The following PRRC2C variants were observed in gnomAD, a reference collection of about 807,000 sequenced individuals.
The protein encoded by PRRC2C is proline rich coiled-coil 2C.
PRRC2C carries 72 observed loss-of-function variants against 317.2 expected under a neutral mutation model. The observed-to-expected ratio is 0.23, with a 90% CI of 0.19 to 0.28. The LOEUF (loss-of-function observed/expected upper bound fraction) is 0.28. PRRC2C is among the 10% of genes least tolerant of loss of function. The probability of loss-of-function intolerance (pLI) is 1.00; values close to 1 mark genes in which losing one functional copy is unlikely to be tolerated. For synonymous variants in PRRC2C, 1,296 were observed against 1,205.9 expected (o/e 1.07, Z -1.55); for missense variants, 3,074 against 3,459.7 (o/e 0.89, Z 2.80).
Position 171,524,974 on chromosome 1 carries a change from G to A in PRRC2C, c.1200+9G>A. ...GACCTTCATTTAATCAGGTTTGTTG[G>A]ACTCATGGAGATCCTTGTTATTGCA... On this transcript the variant is annotated intron_variant, in intron 10 of 34. Coordinates refer to ENST00000647382, the MANE Select transcript of PRRC2C (RefSeq NM_001387844.1). 6.3e-7 allele frequency: 1 copy of A among 1,577,980 alleles called. No individual in the cohort carries two copies. Among genetic ancestry groups the A allele is most frequent in the Non-Finnish European group, 8.6e-7 (1 of 1,159,742 alleles).
chr1:171,550,368 C>A, intron 18 of PRRC2C, 128 bp downstream of exon 18: 1 of 754,456 alleles, frequency 1.3e-6, no homozygotes, highest in Non-Finnish European at 1.9e-6. Flanking sequence ...GTGACATCAT[C>A]TTCCCAACTT....
At position 171,523,480 on chromosome 1, in the gene PRRC2C, A is replaced by G; in HGVS notation, c.1013A>G (p.Asp338Gly). 6.2e-7 allele frequency: 1 copy of G among 1,612,394 alleles called. No individual in the cohort carries two copies. Among genetic ancestry groups the G allele is most frequent in the Non-Finnish European group, 8.5e-7 (1 of 1,179,616 alleles). ...TATACAGAGCAACTGAATTTCAGTG[A>G]TGATGATGAACAAGGAAGTAACAGT... The part of the protein sequence containing the change: ...VDYTEQLNFS[D>G]DDEQGSNSPK... The change falls in exon 9 of 35, where the codon GAT (aspartate) becomes GGT (glycine). Residue 338 changes from aspartate to glycine, a missense_variant. Coordinates refer to ENST00000647382, the MANE Select transcript of PRRC2C (RefSeq NM_001387844.1).
intron 1 of PRRC2C, among the ~76,000 whole-genome samples, chr1:171,506,645 G>A (rs1670287390): frequency 1.4e-5 from 2 of 141,774 alleles, no homozygotes. Context: ...TTTCCCATTG[G>A]ATAGCTTCTA....
intron 24 of PRRC2C, among the ~76,000 whole-genome samples, chr1:171,574,493 A>G (rs1572091069): frequency 6.6e-6 from 1 of 152,354 alleles, no homozygotes. Flanking sequence ...ATGTGAAACA[A>G]AAGCATTTCT....
intron 17 of PRRC2C, among the ~76,000 whole-genome samples, chr1:171,547,304 C>CT (rs1167301557): frequency 1.3e-5 from 2 of 152,026 alleles, no homozygotes; most frequent in Non-Finnish European, 2.9e-5. Flanking sequence ...ACATTGGAAA[C>CT]TAAAAAGTAG....
At chr1:171,493,000 C>T (rs1009784027) in intron 1 of PRRC2C, among the ~76,000 whole-genome samples, 5 of 151,858 alleles carry the variant, frequency 3.3e-5, no homozygotes, top group Non-Finnish European at 5.9e-5. Context: ...CCACCTGCCT[C>T]GCCCTCCCAA....
At chr1:171,566,486 C>A in intron 21 of PRRC2C, 65 bp downstream of exon 21, 1 of 1,486,314 alleles carries the variant, frequency 6.7e-7, no homozygotes, top group South Asian at 1.4e-5. Context: ...GCAAATAATA[C>A]TTTTAAAAGT....
chr1:171,588,227 T>C (rs1465391749), intron 32 of PRRC2C, among the ~76,000 whole-genome samples, 152 bp from the exon 33 acceptor site: 1 of 152,178 alleles, frequency 6.6e-6, no homozygotes, highest in Non-Finnish European at 1.5e-5. Context: ...TCCTCCAATG[T>C]CTCTCTTCTA....
intron 32 of PRRC2C, 87 bp from the exon 33 acceptor site, chr1:171,588,292 G>A (rs1181027002): frequency 2.1e-6 from 3 of 1,446,232 alleles, no homozygotes; most frequent in Non-Finnish European, 2.9e-6. Context: ...CAAGTATGAT[G>A]AAAATACCAA....
rs1052284814 is a variant in PRRC2C, at chr1:171,557,361, C to A, written c.5249C>A (p.Pro1750His). 1.3e-6 allele frequency: 2 copies of A among 1,551,840 alleles called. No individual in the cohort carries two copies. The highest frequency in any genetic ancestry group is 2.7e-5 in the African/African-American group (2 of 73,158). ...QQAQSSASVP[P>H]LASAPLPPST... ...GCACAGTCTTCAGCCTCAGTTCCAC[C>A]TCTAGCTTCGGCTCCACTTCCACCT... Residue 1750 changes from proline (P) to histidine (H), a missense_variant, in exon 19 of 35, where the codon CCT becomes CAT. Pro to His is a moderately conservative substitution (Grantham distance 77). Coordinates refer to ENST00000647382, the MANE Select transcript of PRRC2C (RefSeq NM_001387844.1).
At chr1:171,567,870 C>G (rs931185762) in intron 22 of PRRC2C, among the ~76,000 whole-genome samples, 1 of 152,114 alleles carries the variant, frequency 6.6e-6, no homozygotes, top group African/African-American at 2.4e-5. Flanking sequence ...AACAACTTTA[C>G]AACTATTAGG....
intron 28 of PRRC2C, 33 bp from the exon 29 acceptor site, chr1:171,583,923 T>A: frequency 1.9e-6 from 3 of 1,553,942 alleles, no homozygotes; most frequent in Non-Finnish European, 2.7e-6. Flanking sequence ...GAAATTAACT[T>A]CTAACAATAT....
chr1:171,592,168 A>G lies in PRRC2C; in HGVS notation c.*321A>G, dbSNP rs13722. 180,163 of 224,976 alleles carry G rather than the reference A, an allele frequency of 0.8. 72,567 individuals carry two copies. Among genetic ancestry groups the G allele is most frequent in the East Asian group, 0.89 (9,287 of 10,450 alleles). The allele number at this position is 224,976 out of a possible 1,614,324, so 13.9% of individuals were successfully genotyped here. On this transcript the variant is annotated 3_prime_UTR_variant, in exon 35 of 35. Coordinates refer to ENST00000647382, the MANE Select transcript of PRRC2C (RefSeq NM_001387844.1). ...TAGACCTAAAAATCCTTATGATTAG[A>G]TGAAACACCAAAAATATAAGGAAAA... is the stretch of plus-strand genomic sequence containing the variant.
In PRRC2C at chr1:171,593,270, A is replaced by G. The variant is rs1651759917; in HGVS notation, c.*1423A>G. 6.8e-6 allele frequency: 1 copy of G among 147,748 alleles called. No individual in the cohort carries two copies. Among genetic ancestry groups the G allele is most frequent in the African/African-American group, 2.5e-5 (1 of 40,734 alleles). 9.2% of individuals were successfully genotyped at this position (147,748 alleles called of 1,614,324 possible). A position where few individuals can be genotyped will look rare whatever the true frequency, so the allele number is the denominator to read the frequency against. On this transcript the variant is annotated 3_prime_UTR_variant, in exon 35 of 35. Transcript: ENST00000647382. ...TTTTTATATAAATATATATATATAT[A>G]TACATATATATATATAATTTGAATT...
At chr1:171,520,066 G>A (rs989887620) in intron 6 of PRRC2C, among the ~76,000 whole-genome samples, 2 of 152,120 alleles carry the variant, frequency 1.3e-5, no homozygotes, top group African/African-American at 4.8e-5. Context: ...AGGTTCAAGC[G>A]ATTCTCCCGC....
At chr1:171,518,035 G>T (rs777784736) in intron 6 of PRRC2C, among the ~76,000 whole-genome samples, 2 of 152,174 alleles carry the variant, frequency 1.3e-5, no homozygotes, top group African/African-American at 2.4e-5. Context: ...ACGTTACCAC[G>T]CAGTGTTTCT....
chr1:171,528,238 C>T (rs1263101953), intron 11 of PRRC2C, among the ~76,000 whole-genome samples: 1 of 151,956 alleles, frequency 6.6e-6, no homozygotes, highest in Non-Finnish European at 1.5e-5. Context: ...ATCCCACTTT[C>T]CATCCCATTG....
At chr1:171,584,566 T>C in intron 30 of PRRC2C, 40 bp downstream of exon 30, 1 of 1,503,806 alleles carries the variant, frequency 6.6e-7, no homozygotes, top group South Asian at 1.3e-5. Flanking sequence ...TTTTCTTTAT[T>C]ATTATTTTTA....
At position 171,536,276 on chromosome 1, in the gene PRRC2C, C is replaced by T. The variant is rs764362530; in HGVS notation, c.2291C>T (p.Pro764Leu). ...RPAMDIPPIHPGMIPPKPLMR... is the reference protein window; with the variant it reads ...RPAMDIPPIHLGMIPPKPLMR... ...GCTATGGATATTCCACCCATTCATC[C>T]TGGTCAGTTGAATTTGCATTTATAG... The change falls in exon 14 of 35, where the codon CCT (proline) becomes CTT (leucine). Residue 764 changes from proline (P) to leucine (L), a missense_variant and splice_region_variant. Physicochemically the swap from Pro to Leu is moderately conservative, Grantham distance 98 (BLOSUM62 -3). Around this residue, in one of 11 missense-constraint regions of PRRC2C, gnomAD observed 1,320 missense variants for 1,395.7 expected, o/e 0.95. Coordinates refer to ENST00000647382, the MANE Select transcript of PRRC2C (RefSeq NM_001387844.1). 6.2e-7 allele frequency: 1 copy of T among 1,613,282 alleles called. No individual in the cohort carries two copies. The highest frequency in any genetic ancestry group is 8.5e-7 in the Non-Finnish European group (1 of 1,179,604).
Sources: allele counts gnomAD v4.1 joint callset (sites outside exome capture counted in the v4.1 genomes callset), GRCh38; gene constraint gnomAD v4.1.1; regional missense constraint gnomAD v4.1.1; transcripts MANE v1.5; gene names NCBI Gene and HGNC (gene_info 2026-07-23, HGNC 2026-07-21).